The following DCX variants were observed in gnomAD, a reference collection of about 807,000 sequenced individuals.
The protein encoded by DCX is neuronal migration protein doublecortin.
Under a neutral mutation model 20.9 loss-of-function variants are expected in DCX, and 4 were observed. The ratio of observed to expected loss-of-function variants is 0.19; its 90% CI spans 0.09 to 0.44. DCX has a LOEUF of 0.44. Ranked by LOEUF, DCX falls within the 20% of genes least tolerant of loss-of-function variation. The pLI is 0.99. For missense variants in DCX, 133 were observed against 296.9 expected (o/e 0.45, Z 4.06); for synonymous variants, 103 against 111.4 (o/e 0.92, Z 0.47).
intron 1 of DCX, chrX:111,410,663 G>T: frequency 1.0e-6 from 1 of 976,945 alleles, no homozygotes; most frequent in South Asian, 1.9e-5. Flanking sequence ...TGGGGGTTGG[G>T]AGTAAGAGAT....
At chrX:111,410,993 T>G in intron 1 of DCX, 2 of 1,169,835 alleles carry the variant, frequency 1.7e-6, no homozygotes, top group South Asian at 3.6e-5. Context: ...AAGCCCTCTT[T>G]CCTACTCTAA....
chrX:111,389,591 G>A (rs911402485), intron 3 of DCX, among the ~76,000 whole-genome samples: 4 of 111,656 alleles, frequency 3.6e-5, no homozygotes, highest in Non-Finnish European at 7.5e-5. Flanking sequence ...GGTGAGACAC[G>A]CTTGTAGTCC....
At chrX:111,303,396 GT>G (rs1170316782) in intron 6 of DCX, among the ~76,000 whole-genome samples, 1 of 110,156 alleles carries the variant, frequency 9.1e-6, no homozygotes, top group East Asian at 2.8e-4. Flanking sequence ...GTAGAAGATT[GT>G]TCAAGAAAAT....
chrX:111,410,806 C>T, intron 1 of DCX: 3 of 1,211,157 alleles, frequency 2.5e-6, no homozygotes, highest in South Asian at 3.5e-5. Flanking sequence ...TTAAAACTGG[C>T]ATCTGTTTCC....
rs2095024475 is a variant in DCX at position 111,297,653 on chromosome X, A to G, written c.*4034T>C. On this transcript the variant is annotated 3_prime_UTR_variant, in exon 7 of 7. Coordinates refer to ENST00000636035, the MANE Select transcript of DCX (RefSeq NM_001195553.2). ...TACCTGAGGAGTGGGGTAAGCCCAG[A>G]AGGAGGTCTCTTAGAACTGAACTAA... The G allele has an allele frequency of 9.0e-6, 1 of 111,542 alleles. No homozygotes were observed. The highest frequency in any genetic ancestry group is 3.8e-4 in the South Asian group (1 of 2,613). 9.2% of individuals were successfully genotyped at this position (111,542 alleles called of 1,213,427 possible).
At chrX:111,348,450 C>A (rs1245317429) in intron 3 of DCX, among the ~76,000 whole-genome samples, 1 of 111,646 alleles carries the variant, frequency 9.0e-6, no homozygotes, top group Non-Finnish European at 1.9e-5. Context: ...TTTGTCTTTG[C>A]CATTTTTCCA....
At chrX:111,346,841 G>GAA (rs1426599244) in intron 3 of DCX, among the ~76,000 whole-genome samples, 1 of 111,374 alleles carries the variant, frequency 9.0e-6, no homozygotes, top group Non-Finnish European at 1.9e-5. Flanking sequence ...CAATAAAACT[G>GAA]TTAAAAAAAG....
rs1252093193 is a variant in DCX, at chrX:111,320,656, T to C, written c.947-7920A>G. Among the ~76,000 whole-genome samples the C allele has an allele frequency of 2.7e-5, 3 of 110,682 alleles. No individual in the cohort carries two copies. The Admixed American group carries it at 2.9e-4, about 11-fold the overall frequency. On this transcript the variant is annotated intron_variant, in intron 5 of 6. Transcript: ENST00000636035. ...TTTATATATGGTACAAATTCTCTCA[T>C]CTCTTTCAACTCTTTTATAGTCCAT...
At chrX:111,396,278 G>T (rs757692630) in intron 3 of DCX, among the ~76,000 whole-genome samples, 1 of 112,084 alleles carries the variant, frequency 8.9e-6, no homozygotes, top group Non-Finnish European at 1.9e-5. Context: ...CAAGTAGTCG[G>T]TGCTATAAAG....
rs1179885012 is a variant in DCX, at chrX:111,300,948, T to C, written c.*739A>G. On this transcript the variant is annotated 3_prime_UTR_variant, in exon 7 of 7. Coordinates refer to ENST00000636035, the MANE Select transcript of DCX (RefSeq NM_001195553.2). Reference sequence around the variant, plus strand: ...GTCCCTTACTCCAAACTATTATCAATTGCTTATTGATTCCAAATTGCCTCA... The same window carrying C: ...GTCCCTTACTCCAAACTATTATCAACTGCTTATTGATTCCAAATTGCCTCA... The C allele has an allele frequency of 3.5e-5, 4 of 113,329 alleles. No homozygotes were observed. The highest frequency in any genetic ancestry group is 9.7e-5 in the African/African-American group (3 of 30,815). 9.3% of individuals were successfully genotyped at this position (113,329 alleles called of 1,213,427 possible).
intron 3 of DCX, among the ~76,000 whole-genome samples, chrX:111,397,783 ATGTG>A (rs200033042): frequency 1.1e-5 from 1 of 90,628 alleles, no homozygotes; most frequent in African/African-American, 3.4e-5. Flanking sequence ...ATCTACATAT[ATGTG>A]TGTGTGTATA....
At chrX:111,352,837 C>CAGAGAGAGAGAGAGAG (rs768081351) in intron 3 of DCX, among the ~76,000 whole-genome samples, 2 of 90,145 alleles carry the variant, frequency 2.2e-5, no homozygotes, top group African/African-American at 8.4e-5. Context: ...GACAGACAGA[C>CAGAGAGAGAGAGAGAG]AGAGAGAGAG....
chrX:111,384,053 T>C (rs758584270), intron 3 of DCX, among the ~76,000 whole-genome samples: 1 of 112,135 alleles, frequency 8.9e-6, no homozygotes, highest in Non-Finnish European at 1.9e-5. Flanking sequence ...TGATAAACCC[T>C]AACCCATGTC....
chrX:111,342,628 A>G (rs1922389934), intron 3 of DCX, among the ~76,000 whole-genome samples: 2 of 108,254 alleles, frequency 1.8e-5, no homozygotes, highest in South Asian at 8.3e-4. Flanking sequence ...TCTCAGGACC[A>G]CATGGCACTT....
chrX:111,322,052 A>G (rs1293014125), intron 5 of DCX, among the ~76,000 whole-genome samples: 4 of 112,220 alleles, frequency 3.6e-5, no homozygotes, highest in African/African-American at 1.3e-4. Context: ...TTGCTCATTG[A>G]AAACAACCCC....
rs1193228762 is a variant in DCX, at chrX:111,297,767, C to A, written c.*3920G>T. 8.9e-6 allele frequency: 1 copy of A among 111,892 alleles called. No individual in the cohort carries two copies. The highest frequency in any genetic ancestry group is 1.9e-5 in the Non-Finnish European group (1 of 53,208). The allele number at this position is 111,892 out of a possible 1,213,427, so 9.2% of individuals were successfully genotyped here. The stretch of plus-strand genomic sequence containing the variant: ...TTGCCCTGGTTTCTGCTGTGGAAGG[C>A]CACAGGAGCAGTGTACACAAGACGA... On this transcript the variant is annotated 3_prime_UTR_variant, in exon 7 of 7. Transcript: ENST00000636035.
chrX:111,332,487 A>G (rs958425545), intron 4 of DCX, among the ~76,000 whole-genome samples: 2 of 111,747 alleles, frequency 1.8e-5, no homozygotes, highest in East Asian at 5.6e-4. Context: ...TTTAATGTAT[A>G]CCTGGAGCTT....
At chrX:111,310,205 G>A (rs2095054360) in intron 6 of DCX, among the ~76,000 whole-genome samples, 1 of 111,493 alleles carries the variant, frequency 9.0e-6, no homozygotes, top group Non-Finnish European at 1.9e-5. Context: ...GGTGGCTGGT[G>A]CCTGTAGTCC....
chrX:111,390,545 A>T (rs1926850222), intron 3 of DCX, among the ~76,000 whole-genome samples: 1 of 111,453 alleles, frequency 9.0e-6, no homozygotes, highest in East Asian at 2.8e-4. Flanking sequence ...CTCCTTTTTA[A>T]TTTCCACTAC....
Sources: gnomAD v4.1 joint callset for allele counts (sites outside exome capture counted in the v4.1 genomes callset) on GRCh38, gnomAD v4.1.1 for gene constraint, MANE v1.5 for transcripts, NCBI Gene and HGNC (gene_info 2026-07-23, HGNC 2026-07-21) for gene names.